Variants in SPEN observed in about 807,000 individuals in gnomAD.
The protein encoded by SPEN is msx2-interacting protein.
A neutral mutation model predicts 269.9 loss-of-function variants in SPEN; 18 were observed. The observed-to-expected ratio is 0.07, with a 90% CI of 0.05 to 0.10. The LOEUF is 0.10. Ranked by LOEUF, SPEN falls within the 10% of genes least tolerant of loss-of-function variation. The pLI, the probability that SPEN is intolerant of heterozygous loss-of-function variation, is 1.00. For missense variants in SPEN, 3,822 were observed against 4,631.2 expected (o/e 0.83, Z 5.07); for synonymous variants, 1,726 against 1,765.7 (o/e 0.98, Z 0.56).
In SPEN at chr1:15,939,736, T is replaced by TTTTG. The variant is rs556538860; in HGVS notation, c.*321_*324dup. 5 of 280,620 alleles carry TTTTG rather than the reference T, an allele frequency of 1.8e-5. No individual in the cohort carries two copies. Among genetic ancestry groups the TTTTG allele is most frequent in the African/African-American group, 4.3e-5 (2 of 46,850 alleles). The allele number at this position is 280,620 out of a possible 1,614,324, so 17.4% of individuals were successfully genotyped here. On this transcript the variant is annotated 3_prime_UTR_variant, in exon 15 of 15. Coordinates refer to ENST00000375759, the MANE Select transcript of SPEN (RefSeq NM_015001.3). The surrounding 1 kb of genome is among the most constrained non-coding windows in gnomAD (Gnocchi z 4.1). ...GGAACAGGGCAGTGGAATGAAAATT[T>TTTTG]TTTGTTTGTTTGTTTTTAAGAAACA...
chr1:15,916,874 C>T (rs1469297084), intron 6 of SPEN, among the ~76,000 whole-genome samples: 3 of 152,182 alleles, frequency 2.0e-5, no homozygotes, highest in Non-Finnish European at 4.4e-5. Context: ...CACCTATAAT[C>T]TCAGCACTTT....
At chr1:15,863,746 T>TA (rs138522564) in intron 1 of SPEN, among the ~76,000 whole-genome samples, 9,413 of 151,650 alleles carry the variant, frequency 0.062, 349 homozygotes, top group South Asian at 0.16. Context: ...GAGGCTGAGA[T>TA]AGGAGGATTG....
chr1:15,898,803 TC>T lies in SPEN; in HGVS notation c.882-10516del, dbSNP rs2070867830. Among the ~76,000 whole-genome samples, 6 of 152,172 alleles carry T rather than the reference TC, an allele frequency of 3.9e-5. No individual in the cohort carries two copies. The South Asian group carries it at 1.2e-3, about 32-fold the overall frequency. On this transcript the variant is annotated intron_variant, in intron 3 of 14. Transcript: ENST00000375759. ...GTCTTGAATTCCTGATCTCAGGTGA[TC>T]CGTCCACCTTGGCTTCCCAAAGTGC...
chr1:15,850,282 C>T (rs2070321972), intron 1 of SPEN, among the ~76,000 whole-genome samples: 1 of 152,092 alleles, frequency 6.6e-6, no homozygotes, highest in African/African-American at 2.4e-5. Flanking sequence ...AGTTTGCTCA[C>T]GACTGCATTC....
intron 10 of SPEN, among the ~76,000 whole-genome samples, chr1:15,926,935 G>T (rs900265815): frequency 4.6e-5 from 7 of 152,026 alleles, no homozygotes; most frequent in Non-Finnish European, 8.8e-5. Context: ...CTCGTGATCC[G>T]CCTGCCTTGG....
intron 3 of SPEN, among the ~76,000 whole-genome samples, chr1:15,896,584 T>G (rs2070844611): frequency 6.6e-6 from 1 of 152,210 alleles, no homozygotes; most frequent in Non-Finnish European, 1.5e-5. Context: ...GTGGAGCCAG[T>G]ACCTGCCTAA....
In SPEN at chr1:15,848,863, G is replaced by A. The variant is rs2148698887; in HGVS notation, c.83+713G>A. ...GACCGCGTCTGACAGGAGGTTGCTA[G>A]CCCCGGCGCCCGTAGCCTCGGGTCG... On this transcript the variant is annotated intron_variant, in intron 1 of 14. Transcript: ENST00000375759. The surrounding 1 kb of genome is among the most constrained non-coding windows in gnomAD (Gnocchi z 5.1). Among the ~76,000 whole-genome samples, 1 of 152,208 alleles carries A rather than the reference G, an allele frequency of 6.6e-6. No individual in the cohort carries two copies. The highest frequency in any genetic ancestry group is 2.4e-5 in the African/African-American group (1 of 41,536).
At chr1:15,904,477 A>AAAAAAAAAAAAAAAAT (rs1557750214) in intron 3 of SPEN, among the ~76,000 whole-genome samples, 6 of 137,948 alleles carry the variant, frequency 4.3e-5, no homozygotes, top group South Asian at 2.3e-4. Flanking sequence ...AAAAAAAAAA[A>AAAAAAAAAAAAAAAAT]GTGAACTAAA....
chr1:15,911,082 GT>G lies in SPEN; in HGVS notation c.1043-11del, dbSNP rs750569649. 7.0e-6 allele frequency: 11 copies of G among 1,571,324 alleles called. No homozygotes were observed. Among genetic ancestry groups the G allele is most frequent in the Admixed American group, 3.7e-5 (2 of 53,484 alleles). ...TTAAATTAGAAGAATTAATAACTTG[GT>G]TTTTTTTGGGAATTTAGATACAAGC... On this transcript the variant is annotated intron_variant, in intron 4 of 14. Transcript: ENST00000375759.
At chr1:15,903,653 C>T (rs1218457519) in intron 3 of SPEN, among the ~76,000 whole-genome samples, 1 of 152,078 alleles carries the variant, frequency 6.6e-6, no homozygotes. Flanking sequence ...TGTGCCTGGC[C>T]TCAAATTGTT....
rs1335827333 is a variant in SPEN at position 15,934,654 on chromosome 1, G to A, written c.8414G>A (p.Gly2805Glu). The A allele has an allele frequency of 1.2e-6, 2 of 1,613,962 alleles. No individual in the cohort carries two copies. The highest frequency in any genetic ancestry group is 1.7e-6 in the Non-Finnish European group (2 of 1,179,964). Reference protein sequence around the residue: ...DRPADAGSGAGLRVNTSEGVV... With the variant: ...DRPADAGSGAELRVNTSEGVV... ...CCGGCAGACGCGGGCTCAGGGGCGG[G>A]GCTGCGTGTGAACACTTCTGAAGGG... The change falls in exon 11 of 15, where the codon GGG (glycine) becomes GAG (glutamate). Residue 2805 changes from glycine (G) to glutamate (E), a missense_variant. Physicochemically the swap from Gly to Glu is moderately conservative, Grantham distance 98 (BLOSUM62 -2). Transcript: ENST00000375759. This position sits in a 1 kb window ranked among gnomAD's most constrained non-coding sequence, Gnocchi z 9.2.
chr1:15,851,384 A>G (rs531911472), intron 1 of SPEN, among the ~76,000 whole-genome samples: 1 of 152,352 alleles, frequency 6.6e-6, no homozygotes, highest in African/African-American at 2.4e-5. Flanking sequence ...GTTTTAGTTA[A>G]CAAAGATTCA....
At chr1:15,859,358 C>CTTTTTT (rs143092339) in intron 1 of SPEN, among the ~76,000 whole-genome samples, 99 of 115,510 alleles carry the variant, frequency 8.6e-4, no homozygotes, top group Non-Finnish European at 1.1e-3. Flanking sequence ...TTTTTCTTTT[C>CTTTTTT]TTTTTTTTTT....
chr1:15,878,916 A>C (rs1309971530), intron 3 of SPEN, among the ~76,000 whole-genome samples: 1 of 151,262 alleles, frequency 6.6e-6, no homozygotes, highest in African/African-American at 2.4e-5. Flanking sequence ...AGGCTGAGAC[A>C]GGAGAATTGC....
At chr1:15,868,438 CTTT>C (rs35701730) in intron 1 of SPEN, among the ~76,000 whole-genome samples, 1 of 141,978 alleles carries the variant, frequency 7.0e-6, no homozygotes, top group African/African-American at 2.6e-5. Flanking sequence ...TAGAATAAAA[CTTT>C]TTTTTTTTTT....
chr1:15,867,285 C>G (rs1432732671), intron 1 of SPEN, among the ~76,000 whole-genome samples: 1 of 152,152 alleles, frequency 6.6e-6, no homozygotes, highest in East Asian at 1.9e-4. Flanking sequence ...CAAGGTTCAT[C>G]CATATTTTAG....
chr1:15,884,530 C>T (rs1019211130), intron 3 of SPEN, among the ~76,000 whole-genome samples: 1 of 152,000 alleles, frequency 6.6e-6, no homozygotes, highest in Non-Finnish European at 1.5e-5. Flanking sequence ...ATGTACCTTC[C>T]ATTTCTCTCT....
Position 15,932,110 on chromosome 1 carries a change from G to A in SPEN, c.5870G>A (p.Arg1957His), listed in dbSNP as rs779248361. The A allele has an allele frequency of 3.1e-6, 5 of 1,613,562 alleles. No homozygotes were observed. The highest frequency in any genetic ancestry group is 2.2e-5 in the East Asian group (1 of 44,878). Residue 1957 changes from arginine to histidine, a missense_variant, in exon 11 of 15, where the codon CGC becomes CAC. Coordinates refer to ENST00000375759, the MANE Select transcript of SPEN (RefSeq NM_015001.3). This position sits in a 1 kb window ranked among gnomAD's most constrained non-coding sequence, Gnocchi z 4.2. Reference sequence around the variant, plus strand: ...CGGAGGGGAAGGCCTCCAAAGACACGCCGGCGAGCCGATGAAGAGGAGGAG... The same window carrying A: ...CGGAGGGGAAGGCCTCCAAAGACACACCGGCGAGCCGATGAAGAGGAGGAG... ...TPRRGRPPKT[R>H]RRADEEEENE...
chr1:15,925,386 C>G (rs2071156895), intron 10 of SPEN, among the ~76,000 whole-genome samples: 2 of 152,090 alleles, frequency 1.3e-5, no homozygotes, highest in Admixed American at 1.3e-4. Context: ...CCTCAGAGTC[C>G]CCGTACATGG....
Sources: allele counts gnomAD v4.1 joint callset (sites outside exome capture counted in the v4.1 genomes callset), GRCh38; gene constraint gnomAD v4.1.1; non-coding constraint Gnocchi (gnomAD v3.1); transcripts MANE v1.5; gene names NCBI Gene and HGNC (gene_info 2026-07-23, HGNC 2026-07-21).